Variants in MAP2 observed in about 807,000 individuals in gnomAD.
MAP2 encodes microtubule associated protein 2, also known as microtubule-associated protein 2.
MAP2 carries 14 observed loss-of-function variants against 137.6 expected under a neutral mutation model. The observed-to-expected ratio is 0.10, with a 90% confidence interval of 0.07 to 0.16. The LOEUF is 0.16. Among genes scored for constraint, MAP2 ranks in the 10% least tolerant of loss-of-function variants. The pLI is 1.00. For missense variants in MAP2, 2,088 were observed against 2,191.5 expected, an observed-to-expected ratio of 0.95 and a Z score of 0.94; for synonymous variants, 786 against 782.3, an observed-to-expected ratio of 1.00 and a Z score of -0.08.
At chr2:209,678,767 G>C in intron 6 of MAP2, 82 bp downstream of exon 6, 1 of 711,214 alleles carries the variant, frequency 1.4e-6, no homozygotes, top group Non-Finnish European at 2.3e-6. Flanking sequence ...CAAAAGATAG[G>C]CCATATCTTG....
intron 4 of MAP2, among the ~76,000 whole-genome samples, chr2:209,649,380 A>C (rs1256127379): frequency 6.6e-6 from 1 of 152,170 alleles, no homozygotes; most frequent in African/African-American, 2.4e-5. Context: ...ATAATATTAC[A>C]TCAGGAAGAA....
chr2:209,490,543 G>A (rs2058954340), intron 1 of MAP2, among the ~76,000 whole-genome samples: 1 of 128,650 alleles, frequency 7.8e-6, no homozygotes, highest in African/African-American at 2.9e-5. Context: ...CATCTCGTGT[G>A]CAAAGACACA....
chr2:209,604,962 T>C (rs1237843702), intron 3 of MAP2, among the ~76,000 whole-genome samples: 1 of 152,166 alleles, frequency 6.6e-6, no homozygotes, highest in Non-Finnish European at 1.5e-5. Flanking sequence ...TTATGGTATA[T>C]TATATGTAAC....
intron 2 of MAP2, among the ~76,000 whole-genome samples, chr2:209,567,954 G>C (rs1424695824): frequency 6.6e-6 from 1 of 152,014 alleles, no homozygotes; most frequent in African/African-American, 2.4e-5. Context: ...TTTCACACTA[G>C]GGATTTGATA....
chr2:209,526,429 G>C (rs1162448814), intron 2 of MAP2, among the ~76,000 whole-genome samples: 3 of 151,630 alleles, frequency 2.0e-5, no homozygotes, highest in African/African-American at 7.3e-5. Context: ...TGAGTACATA[G>C]AGAGAAATAC....
At chr2:209,504,501 C>T (rs1349517855) in intron 1 of MAP2, among the ~76,000 whole-genome samples, 3 of 152,134 alleles carry the variant, frequency 2.0e-5, no homozygotes, top group Admixed American at 2.0e-4. Context: ...TGACTCCAGG[C>T]AACTAGTGAA....
chr2:209,675,291 C>G (rs953950950), intron 5 of MAP2, among the ~76,000 whole-genome samples: 1 of 151,690 alleles, frequency 6.6e-6, no homozygotes, highest in Non-Finnish European at 1.5e-5. Context: ...TTAACTTGTT[C>G]ATGAGTTCTA....
chr2:209,514,248 C>G (rs1256764692), intron 2 of MAP2, among the ~76,000 whole-genome samples: 1 of 151,852 alleles, frequency 6.6e-6, no homozygotes, highest in African/African-American at 2.4e-5. Flanking sequence ...AAATAATCAC[C>G]TTTTTCATAA....
At chr2:209,514,002 G>C (rs923795195) in intron 2 of MAP2, among the ~76,000 whole-genome samples, 1 of 152,092 alleles carries the variant, frequency 6.6e-6, no homozygotes, top group African/African-American at 2.4e-5. Context: ...AGCTTCACAA[G>C]AGAAAGTAAA....
At chr2:209,599,402 A>G (rs2082335533) in intron 3 of MAP2, among the ~76,000 whole-genome samples, 1 of 152,146 alleles carries the variant, frequency 6.6e-6, no homozygotes, top group African/African-American at 2.4e-5. Context: ...CCTAACTGAC[A>G]TCCCAACCAA....
chr2:209,471,927 GATAA>G (rs1705828062), intron 1 of MAP2, among the ~76,000 whole-genome samples: 1 of 151,992 alleles, frequency 6.6e-6, no homozygotes, highest in Admixed American at 6.6e-5. Context: ...GTGTTGAAAA[GATAA>G]ATAAATCAAA....
intron 2 of MAP2, among the ~76,000 whole-genome samples, chr2:209,575,312 A>G (rs1052534004): frequency 3.2e-4 from 48 of 151,998 alleles, no homozygotes; most frequent in Middle Eastern, 3.4e-3. Flanking sequence ...ACGAGGTCAG[A>G]AGATCGAGAC....
At chr2:209,730,042 G>A (rs1342044693) in intron 15 of MAP2, 80 bp downstream of exon 15, 5 of 1,229,104 alleles carry the variant, frequency 4.1e-6, no homozygotes, top group Non-Finnish European at 1.2e-6. Flanking sequence ...ATAGGTCCCA[G>A]ATTGTAGACC....
At chr2:209,455,366 C>G (rs1057417714) in intron 1 of MAP2, among the ~76,000 whole-genome samples, 118 of 152,104 alleles carry the variant, frequency 7.8e-4, no homozygotes, top group Admixed American at 2.0e-4. Context: ...TATGAACAAT[C>G]ACATTTTAAA....
chr2:209,710,170 T>G lies in MAP2; in HGVS notation c.4989T>G (p.Ile1663Met). Residue 1663 changes from isoleucine to methionine, a missense_variant, in exon 13 of 16, where the codon ATT becomes ATG. By Grantham distance (10) the Ile-to-Met change is conservative. This residue lies in a region of MAP2 where 591 missense variants were observed against 642.6 expected (regional missense o/e 0.92). Transcript: ENST00000682079. ...CGACTCCCAAGCAGCTTCGGCTTAT[T>G]AACCAACCACTGCCAGACCTGAAGA... Reference protein sequence around the residue: ...SPATPKQLRLINQPLPDLKNV... With the variant: ...SPATPKQLRLMNQPLPDLKNV... The G allele has an allele frequency of 6.2e-7, 1 of 1,613,798 alleles. No individual in the cohort carries two copies. The highest frequency in any genetic ancestry group is 8.5e-7 in the Non-Finnish European group (1 of 1,179,848).
At chr2:209,700,657 A>C (rs958939021) in intron 11 of MAP2, among the ~76,000 whole-genome samples, 1 of 152,170 alleles carries the variant, frequency 6.6e-6, no homozygotes, top group African/African-American at 2.4e-5. Flanking sequence ...ATTAAACCAT[A>C]TAATCAACAG....
intron 3 of MAP2, among the ~76,000 whole-genome samples, chr2:209,613,076 C>T (rs1423723855): frequency 2.6e-5 from 4 of 152,028 alleles, no homozygotes; most frequent in Non-Finnish European, 2.9e-5. Flanking sequence ...CCCCGCCGTG[C>T]GCATCAGTTG....
chr2:209,608,306 G>A (rs2153478546), intron 3 of MAP2, among the ~76,000 whole-genome samples: 1 of 151,014 alleles, frequency 6.6e-6, no homozygotes, highest in African/African-American at 2.4e-5. Flanking sequence ...TTTTTTTAAT[G>A]GAGACAGTAT....
At chr2:209,659,304 T>G (rs540995132) in intron 5 of MAP2, among the ~76,000 whole-genome samples, 21 of 152,340 alleles carry the variant, frequency 1.4e-4, no homozygotes, top group African/African-American at 4.8e-4. Flanking sequence ...GGATTTGTTC[T>G]TTATTAGAAA....
Sources: gnomAD v4.1 joint callset for allele counts (sites outside exome capture counted in the v4.1 genomes callset) on GRCh38, gnomAD v4.1.1 for gene constraint, gnomAD v4.1.1 regional missense constraint, MANE v1.5 for transcripts, NCBI Gene and HGNC (gene_info 2026-07-23, HGNC 2026-07-21) for gene names.